Variants in EYS observed in about 807,000 individuals in gnomAD.
The protein encoded by EYS is EGF-like photoreceptor maintenance factor.
A neutral mutation model predicts 282.1 loss-of-function variants in EYS; 250 were observed. The ratio of observed to expected loss-of-function variants is 0.89; its 90% CI spans 0.80 to 0.98. EYS has a LOEUF of 0.98. EYS is among the 50% of genes least tolerant of loss of function. The probability of loss-of-function intolerance (pLI) is 0.00; values close to 1 mark genes in which losing one functional copy is unlikely to be tolerated. For synonymous variants in EYS, 1,355 were observed against 1,282.9 expected, an observed-to-expected ratio of 1.06 and a Z score of -1.20; for missense variants, 4,016 against 3,709.0, an observed-to-expected ratio of 1.08 and a Z score of -2.15.
intron 35 of EYS, among the ~76,000 whole-genome samples, chr6:63,929,744 T>C (rs528408876): frequency 6.6e-6 from 1 of 152,320 alleles, no homozygotes; most frequent in South Asian, 2.1e-4. Context: ...CAGTCCTCAC[T>C]CATCCTTTTT....
intron 31 of EYS, among the ~76,000 whole-genome samples, chr6:64,094,287 A>T (rs1306110982): frequency 6.6e-6 from 1 of 150,676 alleles, no homozygotes; most frequent in Non-Finnish European, 1.5e-5. Flanking sequence ...GTTAAGGAGG[A>T]TTCCTTTTTT....
chr6:64,128,807 C>A (rs1437867152), intron 31 of EYS, among the ~76,000 whole-genome samples: 1 of 152,156 alleles, frequency 6.6e-6, no homozygotes, highest in Non-Finnish European at 1.5e-5. Context: ...TTACTGCTCA[C>A]TGTGTATGGA....
chr6:64,603,899 G>A (rs1042519809), intron 24 of EYS, among the ~76,000 whole-genome samples: 25 of 124,566 alleles, frequency 2.0e-4, no homozygotes, highest in African/African-American at 6.7e-4. Context: ...GTGTGTGTGT[G>A]TGTGTTCTCT....
At chr6:65,332,218 T>C in intron 11 of EYS, 1 of 581,228 alleles carries the variant, frequency 1.7e-6, no homozygotes, top group Non-Finnish European at 3.1e-6. Context: ...TGTGAGATTC[T>C]GTAATACAAT....
At chr6:64,014,627 A>C (rs1368395044) in intron 33 of EYS, among the ~76,000 whole-genome samples, 1 of 152,276 alleles carries the variant, frequency 6.6e-6, no homozygotes, top group East Asian at 1.9e-4. Flanking sequence ...TCTGAGCCAA[A>C]GTTGTAAATA....
intron 22 of EYS, among the ~76,000 whole-genome samples, chr6:64,692,424 T>C (rs1770422829): frequency 6.6e-6 from 1 of 152,168 alleles, no homozygotes; most frequent in Non-Finnish European, 1.5e-5. Context: ...GGTTATCTGT[T>C]TATACTGTTT....
intron 26 of EYS, among the ~76,000 whole-genome samples, chr6:64,444,273 A>T (rs766948302): frequency 2.2e-4 from 33 of 152,314 alleles, no homozygotes; most frequent in Admixed American, 5.9e-4. Flanking sequence ...ATTTCCTTAG[A>T]GATGGACTAA....
intron 9 of EYS, among the ~76,000 whole-genome samples, chr6:65,347,408 T>C (rs1274967764): frequency 2.6e-5 from 4 of 151,762 alleles, no homozygotes; most frequent in Non-Finnish European, 5.9e-5. Context: ...CTATCTTTTG[T>C]GAAGTAAAAT....
rs1216993077 is a variant in EYS at position 63,721,462 on chromosome 6, CTTGA to C, written c.8565_8568del (p.Asn2855LysfsTer5). ...GCTCCAAATTCAGTTAATTGTAATT[CTTGA>C]TTATTTATGATAACTTGTCGGATAC... On this transcript the variant is annotated frameshift_variant, in exon 43 of 43. Transcript: ENST00000503581. LOFTEE classifies it low-confidence loss of function (END_TRUNC). 3 of 1,551,572 alleles carry C rather than the reference CTTGA, an allele frequency of 1.9e-6. No individual in the cohort carries two copies. The highest frequency in any genetic ancestry group is 2.6e-6 in the Non-Finnish European group (3 of 1,146,870).
intron 1 of EYS, among the ~76,000 whole-genome samples, chr6:65,704,762 A>G (rs1377304159): frequency 6.6e-6 from 1 of 152,188 alleles, no homozygotes; most frequent in African/African-American, 2.4e-5. Flanking sequence ...GAAAATAAGC[A>G]TAACACTGAA....
chr6:64,156,213 G>A (rs1774917290), intron 31 of EYS, among the ~76,000 whole-genome samples: 2 of 152,156 alleles, frequency 1.3e-5, no homozygotes, highest in East Asian at 1.9e-4. Context: ...CCCCCATACA[G>A]TTCTCATGGT....
chr6:64,158,027 G>C (rs998828084), intron 31 of EYS, among the ~76,000 whole-genome samples: 1 of 152,186 alleles, frequency 6.6e-6, no homozygotes, highest in African/African-American at 2.4e-5. Flanking sequence ...AGCTGGGAGG[G>C]AGGCTGTACC....
intron 31 of EYS, among the ~76,000 whole-genome samples, chr6:64,159,013 A>G (rs1465983368): frequency 3.3e-5 from 5 of 151,970 alleles, no homozygotes; most frequent in African/African-American, 7.3e-5. Context: ...ATTTAAAATT[A>G]TCACTATAGT....
chr6:64,179,284 G>C (rs1764724100), intron 31 of EYS, among the ~76,000 whole-genome samples: 1 of 151,966 alleles, frequency 6.6e-6, no homozygotes, highest in South Asian at 2.1e-4. Flanking sequence ...ATCCCTTATT[G>C]CTATAAAACT....
In EYS at chr6:63,918,586, T is replaced by C. The variant is rs1389637951; in HGVS notation, c.7056-54228A>G. Among the ~76,000 whole-genome samples the C allele has an allele frequency of 3.9e-5, 6 of 152,138 alleles. 1 individual carries two copies. The South Asian group carries it at 8.3e-4, about 21-fold the overall frequency. ...GAGTCCAGAAAGCAACTCAGCCTGG[T>C]CATGCAGTATCAGTAAAGAGTCCAA... is the stretch of plus-strand genomic sequence containing the variant. On this transcript the variant is annotated intron_variant, in intron 35 of 42. Transcript: ENST00000503581.
Position 63,721,792 on chromosome 6 carries a change from A to G in EYS, c.8239T>C (p.Phe2747Leu), listed in dbSNP as rs1279860809. ...CTATTTACTAAAGAGATGCATAAAA[A>G]ATCACCTGCAAGAAAGCAAACAGTA... Reference protein sequence around the residue: ...AQHLKAQSGDFLCISLVNSSV... With the variant: ...AQHLKAQSGDLLCISLVNSSV... The change falls in exon 43 of 43, where the codon TTT becomes CTT. Residue 2747 changes from phenylalanine (F) to leucine (L), a missense_variant. Phe to Leu is a conservative substitution (Grantham distance 22). Coordinates refer to ENST00000503581, the MANE Select transcript of EYS (RefSeq NM_001142800.2). 1 of 1,540,070 alleles carries G rather than the reference A, an allele frequency of 6.5e-7. No homozygotes were observed. The highest frequency in any genetic ancestry group is 2.0e-5 in the Admixed American group (1 of 49,182).
At chr6:63,937,342 T>TTTC in intron 35 of EYS, among the ~76,000 whole-genome samples, 3 of 86,226 alleles carry the variant, frequency 3.5e-5, no homozygotes, top group Non-Finnish European at 6.7e-5. Context: ...GCTTCTCTCT[T>TTTC]TTCTTTTTTT....
At chr6:64,344,647 G>A (rs1157543898) in intron 29 of EYS, among the ~76,000 whole-genome samples, 1 of 152,144 alleles carries the variant, frequency 6.6e-6, no homozygotes, top group Non-Finnish European at 1.5e-5. Flanking sequence ...ACAAGACGGG[G>A]ATGCCCTCTC....
At chr6:64,095,889 G>T (rs925098964) in intron 31 of EYS, among the ~76,000 whole-genome samples, 2 of 152,154 alleles carry the variant, frequency 1.3e-5, no homozygotes, top group African/African-American at 4.8e-5. Context: ...GCAGTGGCTG[G>T]TACCGGTTGC....
Sources: allele counts gnomAD v4.1 joint callset (sites outside exome capture counted in the v4.1 genomes callset), GRCh38; gene constraint gnomAD v4.1.1; transcripts MANE v1.5; gene names NCBI Gene and HGNC (gene_info 2026-07-23, HGNC 2026-07-21).